The following TASP1 variants were observed in gnomAD, a reference collection of about 807,000 sequenced individuals.
TASP1 encodes the protein taspase 1.
Under a neutral mutation model 56.6 loss-of-function variants are expected in TASP1, and 16 were observed. The ratio of observed to expected loss-of-function variants is 0.28; its 90% CI spans 0.19 to 0.43. The LOEUF (loss-of-function observed/expected upper bound fraction) is 0.43. Among genes scored for constraint, TASP1 ranks in the 20% least tolerant of loss-of-function variants. TASP1 has a pLI of 1.00. For missense variants in TASP1, 393 were observed against 511.6 expected (o/e 0.77, Z 2.24); for synonymous variants, 179 against 184.2 (o/e 0.97, Z 0.23).
At chr20:13,522,147 G>C (rs1568542058) in intron 10 of TASP1, among the ~76,000 whole-genome samples, 1 of 152,182 alleles carries the variant, frequency 6.6e-6, no homozygotes, top group Non-Finnish European at 1.5e-5. Context: ...GAGGTTCTGA[G>C]GGGAAGCTGG....
At chr20:13,116,142 AC>A in the TASP1 span, among the ~76,000 whole-genome samples, 197 of 152,158 alleles carry the variant, frequency 1.3e-3, no homozygotes, top group African/African-American at 4.4e-3. Flanking sequence ...CTCCAAACCA[AC>A]ACCCGTTGGT....
chr20:13,588,310 A>AAGGAAGGAAGGAAGGAAGGAAGG (rs1568618336), intron 4 of TASP1, among the ~76,000 whole-genome samples: 2 of 101,712 alleles, frequency 2.0e-5, no homozygotes, highest in Non-Finnish European at 4.5e-5. Context: ...AGGAAGGAAG[A>AAGGAAGGAAGGAAGGAAGGAAGG]GAAAGAAAAG....
chr20:13,543,033 CTG>C (rs2146957955), intron 8 of TASP1, among the ~76,000 whole-genome samples: 1 of 152,248 alleles, frequency 6.6e-6, no homozygotes, highest in South Asian at 2.1e-4. Flanking sequence ...AAAGTTGGTT[CTG>C]TGAGAAAATA....
the TASP1 span, among the ~76,000 whole-genome samples, chr20:13,311,239 TAGATGATAGATA>T: frequency 9.1e-6 from 1 of 110,282 alleles, no homozygotes; most frequent in Admixed American, 9.5e-5. Context: ...GATAGATAGA[TAGATGATAGATA>T]GATAGATAGA....
the TASP1 span, among the ~76,000 whole-genome samples, chr20:13,247,801 A>G: frequency 6.6e-6 from 1 of 152,160 alleles, no homozygotes; most frequent in South Asian, 2.1e-4. Flanking sequence ...AAGGTAGTGA[A>G]GTAGGAAAGA....
the TASP1 span, among the ~76,000 whole-genome samples, chr20:13,322,801 T>C: frequency 2.6e-5 from 4 of 152,058 alleles, no homozygotes; most frequent in Non-Finnish European, 5.9e-5. Flanking sequence ...AAGGGGCTTT[T>C]TATTTAGCAC....
chr20:13,636,578 C>G (rs573292128), intron 1 of TASP1, among the ~76,000 whole-genome samples: 2 of 151,904 alleles, frequency 1.3e-5, no homozygotes, highest in African/African-American at 4.8e-5. Flanking sequence ...AACTTTCTAC[C>G]AAAATAACTA....
the TASP1 span, among the ~76,000 whole-genome samples, chr20:13,310,760 G>C: frequency 6.6e-6 from 1 of 152,180 alleles, no homozygotes; most frequent in Non-Finnish European, 1.5e-5. Context: ...CAAAGGACCT[G>C]AATAGACATT....
chr20:13,610,002 A>T (rs1443305604), intron 4 of TASP1, among the ~76,000 whole-genome samples: 1 of 152,242 alleles, frequency 6.6e-6, no homozygotes, highest in African/African-American at 2.4e-5. Context: ...AAGCGAAAAA[A>T]GCCAGACAGC....
chr20:13,567,893 G>GT (rs1029162215), intron 7 of TASP1, among the ~76,000 whole-genome samples: 3 of 152,150 alleles, frequency 2.0e-5, no homozygotes, highest in African/African-American at 7.2e-5. Flanking sequence ...AGCAGACCTA[G>GT]TAAGACTCGA....
the TASP1 span, among the ~76,000 whole-genome samples, chr20:13,127,851 G>A: frequency 6.6e-6 from 1 of 152,126 alleles, no homozygotes; most frequent in African/African-American, 2.4e-5. Context: ...CCTTTTCGGT[G>A]TTATGACTCT....
the TASP1 span, among the ~76,000 whole-genome samples, chr20:13,242,217 G>A: frequency 6.6e-6 from 1 of 152,158 alleles, no homozygotes; most frequent in African/African-American, 2.4e-5. Flanking sequence ...CTACATGGAT[G>A]TTGAAGTCAC....
chr20:13,288,655 G>C, the TASP1 span: 1 of 1,613,990 alleles, frequency 6.2e-7, no homozygotes, highest in Middle Eastern at 1.6e-4. Flanking sequence ...CAACAGAATC[G>C]AGGACCTGTG....
At chr20:13,520,372 A>G (rs888576264) in intron 10 of TASP1, among the ~76,000 whole-genome samples, 6 of 152,228 alleles carry the variant, frequency 3.9e-5, no homozygotes, top group African/African-American at 1.4e-4. Context: ...ACTTCAAACT[A>G]TATTATAAGA....
intron 11 of TASP1, among the ~76,000 whole-genome samples, chr20:13,443,079 G>T (rs1335182391): frequency 6.6e-6 from 1 of 152,102 alleles, no homozygotes; most frequent in Non-Finnish European, 1.5e-5. Context: ...ACATTTGGTG[G>T]CAGTAACATT....
the TASP1 span, among the ~76,000 whole-genome samples, chr20:13,194,357 G>A: frequency 6.6e-6 from 1 of 152,120 alleles, no homozygotes; most frequent in African/African-American, 2.4e-5. Context: ...CATACAAGAG[G>A]TTTAAGTTAT....
chr20:13,197,576 T>C, the TASP1 span, among the ~76,000 whole-genome samples: 3 of 152,204 alleles, frequency 2.0e-5, no homozygotes, highest in African/African-American at 4.8e-5. Flanking sequence ...ACTTTTAGAT[T>C]TGCCTGTCTG....
At chr20:13,293,156 C>T in the TASP1 span, among the ~76,000 whole-genome samples, 4 of 150,292 alleles carry the variant, frequency 2.7e-5, no homozygotes, top group Admixed American at 2.0e-4. Context: ...GCTGAGATCG[C>T]GCCACTGCAC....
chr20:13,528,284 C>G lies in TASP1; in HGVS notation c.874+149G>C, dbSNP rs919650547. 4 of 521,320 alleles carry G rather than the reference C, an allele frequency of 7.7e-6. No individual in the cohort carries two copies. In the Admixed American group the frequency reaches 1.0e-4, roughly 13 times the overall value. The allele number at this position is 521,320 out of a possible 1,614,324, so 32.3% of individuals were successfully genotyped here. A position where few individuals can be genotyped will look rare whatever the true frequency, so the allele number is the denominator to read the frequency against. On this transcript the variant is annotated intron_variant, in intron 10 of 13. Transcript: ENST00000337743. Reference sequence around the variant, plus strand: ...AGTATTTACACTGATACTAAACAACCCTTAAAACCTCGCAAATACTGAAGA... The same window carrying G: ...AGTATTTACACTGATACTAAACAACGCTTAAAACCTCGCAAATACTGAAGA...
Sources: allele counts gnomAD v4.1 joint callset (sites outside exome capture counted in the v4.1 genomes callset), GRCh38; gene constraint gnomAD v4.1.1; transcripts MANE v1.5; gene names NCBI Gene and HGNC (gene_info 2026-07-23, HGNC 2026-07-21).